ADPGK: variants seen among roughly 807,000 people sequenced by gnomAD.
ADPGK encodes ADP dependent glucokinase.
ADPGK carries 26 observed loss-of-function variants against 42.4 expected under a neutral mutation model. The ratio of observed to expected loss-of-function variants is 0.61; its 90% CI spans 0.45 to 0.85. The LOEUF is 0.85. Among genes scored for constraint, ADPGK ranks in the 40% least tolerant of loss-of-function variants. ADPGK has a pLI of 0.00. For synonymous variants in ADPGK, 267 were observed against 252.6 expected (o/e 1.06, Z -0.54); for missense variants, 571 against 627.0 (o/e 0.91, Z 0.95).
At chr15:72,752,940 G>A in intron 6 of ADPGK, 45 bp from the exon 7 acceptor site, 4 of 1,542,248 alleles carry the variant, frequency 2.6e-6, no homozygotes, top group African/African-American at 2.7e-5. Flanking sequence ...AGATAACCTG[G>A]CTCCTAAGAT....
chr15:72,764,189 C>T (rs2066229276), intron 3 of ADPGK, among the ~76,000 whole-genome samples: 2 of 152,174 alleles, frequency 1.3e-5, no homozygotes, highest in Non-Finnish European at 2.9e-5. Flanking sequence ...ATGTAGAAAG[C>T]TGAGTAAAGC....
intron 3 of ADPGK, among the ~76,000 whole-genome samples, chr15:72,770,388 G>T (rs1873358143): frequency 6.6e-6 from 1 of 152,192 alleles, no homozygotes; most frequent in African/African-American, 2.4e-5. Context: ...AATACTGAAA[G>T]GTCAATCTTG....
Position 72,783,753 on chromosome 15 carries a change from C to A in ADPGK, c.-62G>T. 1.4e-6 allele frequency: 2 copies of A among 1,389,326 alleles called. No individual in the cohort carries two copies. The highest frequency in any genetic ancestry group is 1.9e-6 in the Non-Finnish European group (2 of 1,072,378). The allele number at this position is 1,389,326 out of a possible 1,614,324, so 86.1% of individuals were successfully genotyped here. A position where few individuals can be genotyped will look rare whatever the true frequency, so the allele number is the denominator to read the frequency against. ...TTTCCTAGCCCGCGCCTCTTCCGGG[C>A]TCGGCGCGCGCCGATGTCGACACAA... is the stretch of plus-strand genomic sequence containing the variant. On this transcript the variant is annotated 5_prime_UTR_variant, in exon 1 of 7. Coordinates refer to ENST00000456471, the MANE Select transcript of ADPGK (RefSeq NM_001365225.1).
At chr15:72,760,132 T>G in intron 4 of ADPGK, 1 of 210,956 alleles carries the variant, frequency 4.7e-6, no homozygotes, top group Non-Finnish European at 9.6e-6. Context: ...CACTTTTATT[T>G]GAGATGCTTG....
chr15:72,780,098 C>T (rs552430442), intron 1 of ADPGK, among the ~76,000 whole-genome samples: 25 of 151,714 alleles, frequency 1.6e-4, no homozygotes, highest in Non-Finnish European at 2.1e-4. Context: ...TGTTATCTGC[C>T]TCCCTCATAA....
At chr15:72,760,589 A>T in intron 3 of ADPGK, 62 bp from the exon 4 acceptor site, 1 of 1,558,218 alleles carries the variant, frequency 6.4e-7, no homozygotes, top group South Asian at 1.2e-5. Flanking sequence ...GAACCTCAAC[A>T]GCACCCCAGG....
chr15:72,759,307 G>T (rs902535605), intron 4 of ADPGK, among the ~76,000 whole-genome samples: 1 of 152,160 alleles, frequency 6.6e-6, no homozygotes, highest in Non-Finnish European at 1.5e-5. Context: ...TTACCACAAT[G>T]ATCAGGCAGT....
intron 4 of ADPGK, 148 bp downstream of exon 4, chr15:72,760,256 CAGT>C: frequency 1.0e-6 from 1 of 979,656 alleles, no homozygotes; most frequent in Non-Finnish European, 1.4e-6. Flanking sequence ...AGTATCAGCT[CAGT>C]AGAACCAATA....
chr15:72,774,253 G>C (rs1422542528), intron 2 of ADPGK, among the ~76,000 whole-genome samples: 1 of 152,194 alleles, frequency 6.6e-6, no homozygotes, highest in Non-Finnish European at 1.5e-5. Context: ...AACCAGACTG[G>C]GTGCCCAGCC....
chr15:72,773,229 G>A (rs2066350484), intron 2 of ADPGK, among the ~76,000 whole-genome samples: 1 of 152,184 alleles, frequency 6.6e-6, no homozygotes, highest in Non-Finnish European at 1.5e-5. Context: ...CAAGGTTGGA[G>A]TAAACAATTC....
chr15:72,774,955 C>T lies in ADPGK; in HGVS notation c.376G>A (p.Gly126Arg), dbSNP rs748156002. The T allele has an allele frequency of 6.8e-6, 11 of 1,614,150 alleles. 1 individual carries two copies. In the Middle Eastern group the frequency reaches 1.6e-3, roughly 242 times the overall value. Residue 126 changes from glycine (G) to arginine (R), a missense_variant, in exon 2 of 7, where the codon GGA becomes AGA. Coordinates refer to ENST00000456471, the MANE Select transcript of ADPGK (RefSeq NM_001365225.1). ...EEAFIHFMGK[G>R]AAAERFFSDK... ...CTGAAGAAGCGCTCAGCAGCTGCTC[C>T]CTTCCCCATGAAGTGAATGAAGGCT...
rs2151070049 is a variant in ADPGK at position 72,755,653 on chromosome 15, A to G, written c.842T>C (p.Val281Ala). 1 of 1,609,760 alleles carries G rather than the reference A, an allele frequency of 6.2e-7. No individual in the cohort carries two copies. The highest frequency in any genetic ancestry group is 8.5e-7 in the Non-Finnish European group (1 of 1,176,198). The part of the protein sequence containing the change: ...KELQRKRLLE[V>A]VTSISDIPTG... ...GGGGATGTCAGAAATGGAGGTTACAACCTGCAAAGAGAAGAAGATAAGCAC... is the reference window on the plus strand; with the variant it reads ...GGGGATGTCAGAAATGGAGGTTACAGCCTGCAAAGAGAAGAAGATAAGCAC... The change falls in exon 6 of 7, where the codon GTT becomes GCT. Residue 281 changes from valine to alanine, a missense_variant and splice_region_variant. Physicochemically the swap from Val to Ala is moderately conservative, Grantham distance 64. Around this residue, in one of 2 missense-constraint regions of ADPGK, gnomAD observed 434 missense variants for 522.7 expected, o/e 0.83. Transcript: ENST00000456471.
intron 3 of ADPGK, among the ~76,000 whole-genome samples, chr15:72,764,820 C>T (rs1172957323): frequency 1.3e-5 from 2 of 152,112 alleles, no homozygotes; most frequent in African/African-American, 2.4e-5. Flanking sequence ...GCTAACACAG[C>T]TGGTGACTAA....
chr15:72,770,007 C>A (rs964423378), intron 3 of ADPGK, among the ~76,000 whole-genome samples: 2 of 152,222 alleles, frequency 1.3e-5, no homozygotes, highest in African/African-American at 4.8e-5. Context: ...TAATTACCAC[C>A]TCTGGAAAAT....
At chr15:72,755,989 C>T (rs1452243538) in intron 5 of ADPGK, 3 of 671,522 alleles carry the variant, frequency 4.5e-6, no homozygotes, top group Non-Finnish European at 8.2e-6. Flanking sequence ...AACCCTGCAG[C>T]TTGCAGCCAT....
At chr15:72,755,503 T>G in intron 6 of ADPGK, 53 bp downstream of exon 6, 1 of 1,408,488 alleles carries the variant, frequency 7.1e-7, no homozygotes, top group Non-Finnish European at 9.9e-7. Context: ...CAAAAAAGCT[T>G]CTCTGCAAGG....
intron 6 of ADPGK, among the ~76,000 whole-genome samples, chr15:72,754,019 T>C (rs186678076): frequency 1.3e-5 from 2 of 150,884 alleles, no homozygotes; most frequent in Middle Eastern, 3.4e-3. Context: ...GGACTGGAAG[T>C]ATATGGGAAC....
chr15:72,765,273 T>A (rs922201355), intron 3 of ADPGK, among the ~76,000 whole-genome samples: 1 of 152,240 alleles, frequency 6.6e-6, no homozygotes, highest in South Asian at 2.1e-4. Flanking sequence ...CTGAGCCTCC[T>A]GAGTAGCTGG....
intron 3 of ADPGK, 93 bp from the exon 4 acceptor site, chr15:72,760,620 C>A: frequency 7.2e-7 from 1 of 1,390,222 alleles, no homozygotes; most frequent in Non-Finnish European, 9.5e-7. Flanking sequence ...CAGGCTGATT[C>A]TAATCATTTC....
Sources: allele counts gnomAD v4.1 joint callset (sites outside exome capture counted in the v4.1 genomes callset), GRCh38; gene constraint gnomAD v4.1.1; regional missense constraint gnomAD v4.1.1; transcripts MANE v1.5; gene names NCBI Gene and HGNC (gene_info 2026-07-23, HGNC 2026-07-21).